Variants in DOCK2 observed in about 807,000 individuals in gnomAD.
DOCK2 encodes dedicator of cytokinesis 2.
A neutral mutation model predicts 248.9 loss-of-function variants in DOCK2; 87 were observed. That is an observed-to-expected ratio of 0.35 (90% CI 0.29 to 0.42). DOCK2 has a LOEUF of 0.42. Ranked by LOEUF, DOCK2 falls within the 10% of genes least tolerant of loss-of-function variation. The probability of loss-of-function intolerance (pLI) is 1.00; values close to 1 mark genes in which losing one functional copy is unlikely to be tolerated. For missense variants in DOCK2, 1,747 were observed against 2,300.2 expected, an observed-to-expected ratio of 0.76 and a Z score of 4.92; for synonymous variants, 805 against 821.6, an observed-to-expected ratio of 0.98 and a Z score of 0.35.
chr5:169,680,642 G>T (rs1475350246), intron 6 of DOCK2, among the ~76,000 whole-genome samples: 1 of 152,034 alleles, frequency 6.6e-6, no homozygotes, highest in East Asian at 1.9e-4. Context: ...GATTGCTTGA[G>T]CCCAAGAGTT....
chr5:169,795,625 A>G (rs1342224257), intron 25 of DOCK2, among the ~76,000 whole-genome samples: 1 of 152,180 alleles, frequency 6.6e-6, no homozygotes, highest in African/African-American at 2.4e-5. Context: ...TTTCTTCGTG[A>G]TATGCTGGCT....
At chr5:170,006,474 G>A (rs896917961) in intron 30 of DOCK2, among the ~76,000 whole-genome samples, 12 of 152,082 alleles carry the variant, frequency 7.9e-5, no homozygotes, top group East Asian at 3.9e-4. Flanking sequence ...CACCATGCCC[G>A]GCTAATTTTT....
chr5:170,072,498 G>A (rs1409807570), intron 46 of DOCK2, among the ~76,000 whole-genome samples: 1 of 152,144 alleles, frequency 6.6e-6, no homozygotes, highest in African/African-American at 2.4e-5. Flanking sequence ...ATGAACATTC[G>A]TGTTTGTGCC....
intron 22 of DOCK2, among the ~76,000 whole-genome samples, chr5:169,733,218 A>G (rs1762871673): frequency 6.6e-6 from 1 of 150,932 alleles, no homozygotes; most frequent in Non-Finnish European, 1.5e-5. Context: ...TGAAAGTTAC[A>G]TTCTGTGTTT....
At position 169,993,549 on chromosome 5, in the gene DOCK2, T is replaced by TTGTGTGTGTGTGTGTGTGTG. The variant is rs10626609; in HGVS notation, c.2994-2529_2994-2510dup. On this transcript the variant is annotated intron_variant, in intron 29 of 51. Transcript: ENST00000520908. ...TAACAAAGCCAGAAATCACATCCAT[T>TTGTGTGTGTGTGTGTGTGTG]TGTGTGTGTGTGTGTGTGTGTGTGT... 4.9e-3 allele frequency among the ~76,000 whole-genome samples: 728 copies of TTGTGTGTGTGTGTGTGTGTG among 149,466 alleles called. 6 individuals carry two copies. The highest frequency in any genetic ancestry group is 0.016 in the African/African-American group (641 of 40,564).
intron 33 of DOCK2, among the ~76,000 whole-genome samples, chr5:170,022,850 G>A (rs1229398330): frequency 6.6e-6 from 1 of 152,200 alleles, no homozygotes; most frequent in Non-Finnish European, 1.5e-5. Context: ...CAATGTCAGT[G>A]TTCCCAGAAT....
intron 27 of DOCK2, among the ~76,000 whole-genome samples, chr5:169,899,813 A>C (rs1055784902): frequency 6.6e-6 from 1 of 152,180 alleles, no homozygotes; most frequent in African/African-American, 2.4e-5. Context: ...TGACTCCATA[A>C]GTTTTTATTC....
intron 27 of DOCK2, among the ~76,000 whole-genome samples, chr5:169,927,659 C>A (rs1329287523): frequency 6.6e-6 from 1 of 152,232 alleles, no homozygotes; most frequent in Admixed American, 6.5e-5. Context: ...CTCTGTCGCC[C>A]AGGCTGGAGT....
At chr5:169,841,789 A>G (rs747551991) in intron 27 of DOCK2, among the ~76,000 whole-genome samples, 1 of 152,212 alleles carries the variant, frequency 6.6e-6, no homozygotes, top group African/African-American at 2.4e-5. Flanking sequence ...GTATAATCGG[A>G]AATATACATT....
intron 27 of DOCK2, among the ~76,000 whole-genome samples, chr5:169,886,595 A>T (rs563908291): frequency 6.6e-6 from 1 of 152,330 alleles, no homozygotes; most frequent in African/African-American, 2.4e-5. Context: ...CTCACTGTTA[A>T]ATGCTATGTT....
chr5:170,025,784 T>C (rs867807410), intron 33 of DOCK2, among the ~76,000 whole-genome samples: 2,564 of 36,774 alleles, frequency 0.07, 24 homozygotes, highest in Middle Eastern at 0.2. Context: ...CCCTCCCTCC[T>C]TCCCTCCCTT....
At chr5:170,006,606 A>G (rs2113807838) in intron 30 of DOCK2, among the ~76,000 whole-genome samples, 1 of 152,334 alleles carries the variant, frequency 6.6e-6, no homozygotes, top group South Asian at 2.1e-4. Flanking sequence ...GCCATGAGCC[A>G]AGAGGCCACT....
At chr5:169,702,181 G>T in intron 13 of DOCK2, 122 bp from the exon 14 acceptor site, 7 of 1,274,736 alleles carry the variant, frequency 5.5e-6, no homozygotes, top group Non-Finnish European at 7.4e-6. Flanking sequence ...AAGCAATTCT[G>T]ATTTTAATTA....
chr5:169,676,061 T>C (rs1332538901), intron 6 of DOCK2, among the ~76,000 whole-genome samples: 1 of 152,208 alleles, frequency 6.6e-6, no homozygotes, highest in Non-Finnish European at 1.5e-5. Context: ...TGCTTTACAA[T>C]GACATCTACG....
intron 41 of DOCK2, among the ~76,000 whole-genome samples, chr5:170,054,312 T>C (rs970323304): frequency 6.6e-6 from 1 of 152,088 alleles, no homozygotes. Flanking sequence ...AGACCTTGAA[T>C]ACCTAAATAA....
intron 50 of DOCK2, 81 bp from the exon 51 acceptor site, chr5:170,081,761 G>T: frequency 1.9e-6 from 2 of 1,026,738 alleles, no homozygotes; most frequent in Admixed American, 3.0e-5. Context: ...CTGTCCCCCA[G>T]CCCTCCCCCT....
chr5:170,078,035 C>T (rs1191389318), intron 48 of DOCK2, among the ~76,000 whole-genome samples, 198 bp downstream of exon 48: 2 of 152,184 alleles, frequency 1.3e-5, no homozygotes, highest in Non-Finnish European at 2.9e-5. Flanking sequence ...TTATCAGAGG[C>T]TCAGAGAGGC....
chr5:169,884,490 C>T (rs1281192311), intron 27 of DOCK2: 1 of 152,214 alleles, frequency 6.6e-6, no homozygotes, highest in Non-Finnish European at 1.5e-5. Flanking sequence ...ACATGATGCT[C>T]CCAAGGGAAC....
intron 19 of DOCK2, among the ~76,000 whole-genome samples, chr5:169,715,935 C>G (rs1325320416): frequency 6.6e-6 from 1 of 152,152 alleles, no homozygotes; most frequent in Non-Finnish European, 1.5e-5. Flanking sequence ...GAGAATCATC[C>G]TCATTTCTGC....
Sources: gnomAD v4.1 joint callset for allele counts (sites outside exome capture counted in the v4.1 genomes callset) on GRCh38, gnomAD v4.1.1 for gene constraint, MANE v1.5 for transcripts, NCBI Gene and HGNC (gene_info 2026-07-23, HGNC 2026-07-21) for gene names.